NTN1: variants seen among roughly 807,000 people sequenced by gnomAD.
The protein encoded by NTN1 is netrin 1, also known as netrin-1.
NTN1 carries 11 observed loss-of-function variants against 54.2 expected under a neutral mutation model. That is an observed-to-expected ratio of 0.20 (90% CI 0.13 to 0.34). NTN1 has a LOEUF of 0.34. NTN1 is among the 10% of genes least tolerant of loss of function. NTN1 has a pLI of 1.00. For missense variants in NTN1, 740 were observed against 893.1 expected, an observed-to-expected ratio of 0.83 and a Z score of 2.18; for synonymous variants, 371 against 382.0, an observed-to-expected ratio of 0.97 and a Z score of 0.33.
chr17:9,065,534 T>C (rs992523124), intron 2 of NTN1, among the ~76,000 whole-genome samples: 13 of 152,220 alleles, frequency 8.5e-5, no homozygotes, highest in African/African-American at 2.2e-4. Flanking sequence ...GCTTTCACAA[T>C]CTGAAATGAT....
At chr17:9,061,196 G>A (rs543117818) in intron 2 of NTN1, among the ~76,000 whole-genome samples, 2 of 152,228 alleles carry the variant, frequency 1.3e-5, no homozygotes, top group Admixed American at 6.5e-5. Flanking sequence ...AAGGCCTGGT[G>A]GAGGAGGAAG....
At chr17:9,021,448 T>C (rs1490621373), upstream of NTN1, 1 of 149,938 alleles carries the variant, frequency 6.7e-6, no homozygotes, top group East Asian at 2.0e-4. Context: ...CTCGCGGACG[T>C]TATTGGCCGG....
intron 2 of NTN1, among the ~76,000 whole-genome samples, chr17:9,102,539 T>C (rs1174274014): frequency 3.3e-5 from 5 of 152,202 alleles, no homozygotes; most frequent in Non-Finnish European, 7.3e-5. Context: ...GAGATTTGAG[T>C]GTAGACACAG....
At chr17:9,210,420 GCA>G (rs759332234) in intron 5 of NTN1, among the ~76,000 whole-genome samples, 2 of 118,530 alleles carry the variant, frequency 1.7e-5, no homozygotes, top group East Asian at 2.2e-4. Flanking sequence ...ACATGTGCGT[GCA>G]CACACACACA....
chr17:9,164,825 C>A (rs115999365), intron 3 of NTN1, among the ~76,000 whole-genome samples: 2 of 152,098 alleles, frequency 1.3e-5, no homozygotes, highest in African/African-American at 4.8e-5. Context: ...AGGTGAGAAT[C>A]CCCCAGAAGA....
At chr17:9,075,877 G>A (rs1245049263) in intron 2 of NTN1, among the ~76,000 whole-genome samples, 1 of 152,230 alleles carries the variant, frequency 6.6e-6, no homozygotes, top group East Asian at 1.9e-4. Flanking sequence ...CTTTCATTTA[G>A]CTGACAGAAT....
intron 6 of NTN1, among the ~76,000 whole-genome samples, chr17:9,238,362 G>A (rs372938689): frequency 2.0e-5 from 3 of 152,200 alleles, no homozygotes; most frequent in Non-Finnish European, 4.4e-5. Context: ...GGGAATAAAG[G>A]TGTTTCGCCC....
intron 2 of NTN1, among the ~76,000 whole-genome samples, chr17:9,051,435 C>G (rs1259235898): frequency 2.6e-5 from 4 of 152,220 alleles, no homozygotes; most frequent in African/African-American, 9.6e-5. Flanking sequence ...GACTGTGCAA[C>G]AGGCCAAGGT....
In NTN1 at chr17:9,235,998, C is replaced by T. The variant is rs9903715; in HGVS notation, c.1487-3642C>T. 6.4e-3 allele frequency among the ~76,000 whole-genome samples: 975 copies of T among 152,176 alleles called. 14 individuals are homozygous for T. Among genetic ancestry groups the T allele is most frequent in the African/African-American group, 0.022 (911 of 41,496 alleles). On this transcript the variant is annotated intron_variant, in intron 6 of 6. Coordinates refer to ENST00000173229, the MANE Select transcript of NTN1 (RefSeq NM_004822.3). ...GATTACAGGCGTGAGCCACCATGCC[C>T]GGTCAGCCTCTTATATAAGGACACT... is the stretch of plus-strand genomic sequence containing the variant.
chr17:9,119,074 A>G (rs1158819813), intron 2 of NTN1, among the ~76,000 whole-genome samples: 1 of 152,236 alleles, frequency 6.6e-6, no homozygotes, highest in Non-Finnish European at 1.5e-5. Flanking sequence ...CTGTTTTTCA[A>G]AGTGGCTGTA....
intron 2 of NTN1, among the ~76,000 whole-genome samples, chr17:9,153,602 GA>G (rs1450626120): frequency 7.9e-5 from 12 of 152,232 alleles, no homozygotes; most frequent in African/African-American, 2.9e-4. Flanking sequence ...CACAGCTCAA[GA>G]GAAGGAAGAG....
intron 6 of NTN1, among the ~76,000 whole-genome samples, chr17:9,228,820 C>G (rs1008991151): frequency 1.4e-5 from 2 of 141,310 alleles, no homozygotes; most frequent in Non-Finnish European, 3.1e-5. Flanking sequence ...ATCTGTTCAG[C>G]TGTGTGTGTG....
At chr17:9,213,486 C>T (rs972266528) in intron 5 of NTN1, among the ~76,000 whole-genome samples, 8 of 152,266 alleles carry the variant, frequency 5.3e-5, no homozygotes, top group Admixed American at 4.6e-4. Flanking sequence ...GGATGGGGTC[C>T]CAGCGGCTGG....
intron 2 of NTN1, among the ~76,000 whole-genome samples, chr17:9,113,008 T>G (rs2092197646): frequency 6.6e-6 from 1 of 151,420 alleles, no homozygotes; most frequent in Non-Finnish European, 1.5e-5. Flanking sequence ...ATGATACGTT[T>G]TGTATACAGA....
intron 2 of NTN1, among the ~76,000 whole-genome samples, chr17:9,039,260 T>C (rs1366596767): frequency 6.6e-6 from 1 of 152,240 alleles, no homozygotes; most frequent in Non-Finnish European, 1.5e-5. Context: ...TGGCTTTAGA[T>C]GAGTTTGTCA....
the NTN1 span, among the ~76,000 whole-genome samples, chr17:9,012,740 C>T: frequency 6.6e-6 from 1 of 152,086 alleles, no homozygotes; most frequent in Non-Finnish European, 1.5e-5. Flanking sequence ...CTGTTCCCTC[C>T]CCTGCTTTGT....
At chr17:9,218,957 AC>A (rs1905271368) in intron 5 of NTN1, among the ~76,000 whole-genome samples, 1 of 150,770 alleles carries the variant, frequency 6.6e-6, no homozygotes. Flanking sequence ...ATTGAAGGCC[AC>A]CCCTGCAAGA....
At chr17:9,184,332 G>A (rs1386611602) in intron 5 of NTN1, among the ~76,000 whole-genome samples, 1 of 152,228 alleles carries the variant, frequency 6.6e-6, no homozygotes, top group Non-Finnish European at 1.5e-5. Context: ...GCGAAGAGAA[G>A]GGATTGAAGG....
intron 2 of NTN1, among the ~76,000 whole-genome samples, chr17:9,079,649 G>T (rs530599909): frequency 2.0e-5 from 3 of 152,028 alleles, no homozygotes; most frequent in Admixed American, 6.5e-5. Flanking sequence ...CTGTTTCCTG[G>T]CCTTGGAGGA....
Sources: gnomAD v4.1 joint callset for allele counts (sites outside exome capture counted in the v4.1 genomes callset) on GRCh38, gnomAD v4.1.1 for gene constraint, MANE v1.5 for transcripts, NCBI Gene and HGNC (gene_info 2026-07-23, HGNC 2026-07-21) for gene names.